The following PCGF6 variants were observed in gnomAD, a reference collection of about 807,000 sequenced individuals.
PCGF6 encodes the protein polycomb group RING finger protein 6.
A neutral mutation model predicts 45.5 loss-of-function variants in PCGF6; 24 were observed. The ratio of observed to expected loss-of-function variants is 0.53; its 90% CI spans 0.38 to 0.74. PCGF6 has a LOEUF of 0.74. Among genes scored for constraint, PCGF6 ranks in the 30% least tolerant of loss-of-function variants. The pLI is 0.00. For synonymous variants in PCGF6, 152 were observed against 162.1 expected (o/e 0.94, Z 0.47); for missense variants, 356 against 443.2 (o/e 0.80, Z 1.77).
intron 6 of PCGF6, among the ~76,000 whole-genome samples, chr10:103,341,258 C>G (rs930618568): frequency 1.3e-5 from 2 of 150,012 alleles, no homozygotes; most frequent in African/African-American, 4.9e-5. Context: ...TTTTAATTTT[C>G]TTTTTTATTT....
chr10:103,330,533 A>G (rs1401726080), intron 7 of PCGF6, among the ~76,000 whole-genome samples: 3 of 152,244 alleles, frequency 2.0e-5, no homozygotes, highest in Non-Finnish European at 1.5e-5. Context: ...ACATACCATT[A>G]AATTCACCCT....
At chr10:103,317,259 C>A (rs1280885991) in intron 8 of PCGF6, among the ~76,000 whole-genome samples, 1 of 152,170 alleles carries the variant, frequency 6.6e-6, no homozygotes, top group Non-Finnish European at 1.5e-5. Context: ...GATCCGCCCA[C>A]CTCAGGCTCC....
At chr10:103,309,859 T>C (rs1445219091) in intron 9 of PCGF6, among the ~76,000 whole-genome samples, 1 of 152,108 alleles carries the variant, frequency 6.6e-6, no homozygotes, top group East Asian at 1.9e-4. Flanking sequence ...AAGAGATCAA[T>C]TGAGCCCCCC....
intron 9 of PCGF6, among the ~76,000 whole-genome samples, chr10:103,310,264 A>T (rs2093152490): frequency 1.4e-5 from 2 of 141,820 alleles, no homozygotes; most frequent in South Asian, 2.2e-4. Flanking sequence ...ACCATGTCTT[A>T]AAAAAAAAAA....
intron 6 of PCGF6, among the ~76,000 whole-genome samples, chr10:103,339,231 T>G (rs1032596930): frequency 2.7e-5 from 4 of 150,122 alleles, no homozygotes; most frequent in African/African-American, 4.9e-5. Flanking sequence ...TTGGGCAATA[T>G]GGTAAAAAAT....
intron 8 of PCGF6, among the ~76,000 whole-genome samples, chr10:103,320,688 C>T (rs2093194076): frequency 6.7e-6 from 1 of 149,420 alleles, no homozygotes; most frequent in Non-Finnish European, 1.5e-5. Context: ...GAAACTTTGT[C>T]TCAAAAAAAA....
chr10:103,304,351 T>C (rs2093130038), intron 9 of PCGF6, among the ~76,000 whole-genome samples: 2 of 152,106 alleles, frequency 1.3e-5, no homozygotes, highest in South Asian at 4.1e-4. Flanking sequence ...TACATTTATT[T>C]ATTTTTTGAG....
At chr10:103,324,591 C>T (rs2093209912) in intron 8 of PCGF6, among the ~76,000 whole-genome samples, 1 of 150,668 alleles carries the variant, frequency 6.6e-6, no homozygotes, top group South Asian at 2.1e-4. Flanking sequence ...GAAACCCCGT[C>T]TCTACTAAAA....
intron 6 of PCGF6, 149 bp downstream of exon 6, chr10:103,344,875 T>C (rs1257245852): frequency 3.4e-6 from 2 of 585,324 alleles, no homozygotes; most frequent in East Asian, 3.1e-5. Context: ...CGGCCCTTTA[T>C]ACCTTTTTCT....
At chr10:103,342,310 T>G (rs2093283906) in intron 6 of PCGF6, among the ~76,000 whole-genome samples, 1 of 151,798 alleles carries the variant, frequency 6.6e-6, no homozygotes, top group Admixed American at 6.6e-5. Flanking sequence ...CTTGGGTTAC[T>G]GCAACCTCCA....
intron 9 of PCGF6, among the ~76,000 whole-genome samples, chr10:103,305,819 G>A (rs1331548785): frequency 6.6e-6 from 1 of 151,566 alleles, no homozygotes; most frequent in Admixed American, 6.6e-5. Context: ...AGTCCGAGGT[G>A]GGCAGGTCAC....
chr10:103,313,922 C>T (rs1373122969), intron 9 of PCGF6, among the ~76,000 whole-genome samples: 1 of 152,174 alleles, frequency 6.6e-6, no homozygotes, highest in Non-Finnish European at 1.5e-5. Flanking sequence ...TACTGTATCT[C>T]AGTTTCCTTT....
Position 103,350,846 on chromosome 10 carries a change from C to T in PCGF6, c.221G>A (p.Arg74Lys). ...CTCGTCCTCGTCCTCGAAGCGGCCT[C>T]TGAAGCGGCCCAGGCTGCGCTCCGG... is the stretch of plus-strand genomic sequence containing the variant. ...LEPERSLGRF[R>K]GRFEDEDEEL... The change falls in exon 1 of 10, where the codon AGA becomes AAA. Residue 74 changes from arginine (R) to lysine (K), a missense_variant. Arg to Lys is a conservative substitution (Grantham distance 26). Around this residue, in one of 2 missense-constraint regions of PCGF6, gnomAD observed 307 missense variants for 350.1 expected, o/e 0.88. Transcript: ENST00000369847. The T allele has an allele frequency of 1.3e-6, 2 of 1,544,946 alleles. No homozygotes were observed. The highest frequency in any genetic ancestry group is 1.7e-6 in the Non-Finnish European group (2 of 1,145,070).
intron 9 of PCGF6, among the ~76,000 whole-genome samples, chr10:103,311,773 G>C (rs1426535478): frequency 6.6e-6 from 1 of 151,836 alleles, no homozygotes; most frequent in African/African-American, 2.4e-5. Context: ...AGAGGGAGCA[G>C]AAACCTGGAT....
chr10:103,332,481 G>C (rs2093243674), intron 7 of PCGF6, among the ~76,000 whole-genome samples: 1 of 151,960 alleles, frequency 6.6e-6, no homozygotes, highest in Non-Finnish European at 1.5e-5. Context: ...TTCCTGTGTT[G>C]CCCAGACTGG....
intron 6 of PCGF6, among the ~76,000 whole-genome samples, chr10:103,340,196 A>T (rs867521455): frequency 0.036 from 3,554 of 98,650 alleles, 41 homozygotes; most frequent in South Asian, 0.066. Flanking sequence ...AAAAAAAAAA[A>T]AAATATATAT....
chr10:103,313,988 T>C (rs2093166227), intron 9 of PCGF6, among the ~76,000 whole-genome samples, 198 bp downstream of exon 9: 1 of 152,052 alleles, frequency 6.6e-6, no homozygotes, highest in Non-Finnish European at 1.5e-5. Flanking sequence ...TTATGAAGAA[T>C]AAATAAGCTA....
intron 9 of PCGF6, 48 bp from the exon 10 acceptor site, chr10:103,304,009 T>C (rs374324384): frequency 1.4e-5 from 20 of 1,471,474 alleles, no homozygotes; most frequent in Non-Finnish European, 1.9e-5. Context: ...TTCAAACCAG[T>C]AATGCAAATG....
Position 103,348,904 on chromosome 10 carries a change from A to G in PCGF6, c.456T>C (p.His152=). ...IDATTITECL[H]TFCKSCIVRH... is the part of the protein sequence containing the mutation. Reference sequence around the variant, plus strand: ...AAATGTGATCGGTATGCTTACAGGTATGAAGACATTCTGTGATGGTAGTTG... The same window carrying G: ...AAATGTGATCGGTATGCTTACAGGTGTGAAGACATTCTGTGATGGTAGTTG... Residue 152 remains histidine (H), a synonymous_variant, in exon 2 of 10, where the codon CAT becomes CAC. Coordinates refer to ENST00000369847, the MANE Select transcript of PCGF6 (RefSeq NM_001011663.2). 6.2e-7 allele frequency: 1 copy of G among 1,611,092 alleles called. No homozygotes were observed. Among genetic ancestry groups the G allele is most frequent in the Non-Finnish European group, 8.5e-7 (1 of 1,177,360 alleles).
Sources: allele counts gnomAD v4.1 joint callset (sites outside exome capture counted in the v4.1 genomes callset), GRCh38; gene constraint gnomAD v4.1.1; regional missense constraint gnomAD v4.1.1; transcripts MANE v1.5; gene names NCBI Gene and HGNC (gene_info 2026-07-23, HGNC 2026-07-21).